The following SPTLC3 variants were observed in gnomAD, a reference collection of about 807,000 sequenced individuals.
SPTLC3 encodes the protein serine palmitoyltransferase long chain base subunit 3, also known as serine palmitoyltransferase 3.
A neutral mutation model predicts 59.3 loss-of-function variants in SPTLC3; 36 were observed. The observed-to-expected ratio is 0.61, with a 90% CI of 0.47 to 0.80. The LOEUF (loss-of-function observed/expected upper bound fraction) is 0.80, where lower values mean the gene tolerates loss of function less well. SPTLC3 is among the 30% of genes least tolerant of loss of function. The pLI is 0.00. For synonymous variants in SPTLC3, 257 were observed against 240.8 expected (o/e 1.07, Z -0.62); for missense variants, 625 against 685.1 (o/e 0.91, Z 0.98).
At chr20:13,159,719 T>A (rs1392495622) in intron 10 of SPTLC3, among the ~76,000 whole-genome samples, 1 of 152,176 alleles carries the variant, frequency 6.6e-6, no homozygotes, top group Non-Finnish European at 1.5e-5. Context: ...CAGCATTTTC[T>A]GCTTGGTGTC....
intron 9 of SPTLC3, among the ~76,000 whole-genome samples, chr20:13,138,583 T>A (rs1037565961): frequency 2.0e-5 from 3 of 152,248 alleles, no homozygotes; most frequent in Non-Finnish European, 4.4e-5. Context: ...TACTTGGGAC[T>A]AAGCAGATTT....
chr20:13,146,277 G>A (rs929242991), intron 9 of SPTLC3, among the ~76,000 whole-genome samples: 1 of 152,118 alleles, frequency 6.6e-6, no homozygotes, highest in Non-Finnish European at 1.5e-5. Flanking sequence ...ATCTGCTTGA[G>A]GGAGGAGGGT....
chr20:13,119,673 T>C (rs913620748), intron 8 of SPTLC3, among the ~76,000 whole-genome samples: 9 of 152,210 alleles, frequency 5.9e-5, no homozygotes, highest in Non-Finnish European at 8.8e-5. Flanking sequence ...CCCTTCATGT[T>C]ACACTGCAGT....
At chr20:13,045,554 G>C (rs1318431229) in intron 1 of SPTLC3, among the ~76,000 whole-genome samples, 1 of 152,084 alleles carries the variant, frequency 6.6e-6, no homozygotes, top group Non-Finnish European at 1.5e-5. Flanking sequence ...CTCTTAAGGA[G>C]ACCAATACAT....
intron 11 of SPTLC3, among the ~76,000 whole-genome samples, chr20:13,161,813 C>T (rs764399283): frequency 7.2e-5 from 11 of 152,136 alleles, no homozygotes; most frequent in African/African-American, 1.9e-4. Flanking sequence ...AAATTATACA[C>T]GTACACATGT....
intron 2 of SPTLC3, among the ~76,000 whole-genome samples, chr20:13,059,453 C>A (rs553010448): frequency 6.6e-6 from 1 of 152,154 alleles, no homozygotes; most frequent in Non-Finnish European, 1.5e-5. Flanking sequence ...ATTTGCAATT[C>A]GGCTACCACC....
chr20:13,030,406 C>T (rs1423077177), intron 1 of SPTLC3, among the ~76,000 whole-genome samples: 3 of 152,180 alleles, frequency 2.0e-5, no homozygotes, highest in East Asian at 1.9e-4. Context: ...CCACTGAATA[C>T]GGGGGCTCCC....
chr20:13,134,889 G>C (rs990887786), intron 9 of SPTLC3, among the ~76,000 whole-genome samples: 6 of 152,176 alleles, frequency 3.9e-5, no homozygotes, highest in Non-Finnish European at 7.3e-5. Flanking sequence ...CATCAACGCT[G>C]CCCTCTCAGT....
chr20:13,051,443 T>C (rs562301763), intron 2 of SPTLC3, among the ~76,000 whole-genome samples: 1 of 152,280 alleles, frequency 6.6e-6, no homozygotes, highest in Non-Finnish European at 1.5e-5. Context: ...ATAAAACGAT[T>C]ACTAACAGAC....
Position 13,048,389 on chromosome 20 carries a change from C to T in SPTLC3, c.118-556C>T, listed in dbSNP as rs112016672. Among the ~76,000 whole-genome samples, 63 of 152,306 alleles carry T rather than the reference C, an allele frequency of 4.1e-4. 2 individuals carry two copies. The highest frequency in any genetic ancestry group is 3.3e-3 in the South Asian group (16 of 4,826). Reference sequence around the variant, plus strand: ...ATCAGACTTTTTTAAAAGACCAGGACAGTTGTCCTATAGAAAGTTCTACAT... The same window carrying T: ...ATCAGACTTTTTTAAAAGACCAGGATAGTTGTCCTATAGAAAGTTCTACAT... On this transcript the variant is annotated intron_variant, in intron 1 of 11. Coordinates refer to ENST00000399002, the MANE Select transcript of SPTLC3 (RefSeq NM_018327.4).
chr20:13,103,567 AG>A (rs1195590622), intron 6 of SPTLC3, among the ~76,000 whole-genome samples: 3 of 152,224 alleles, frequency 2.0e-5, no homozygotes, highest in Non-Finnish European at 4.4e-5. Flanking sequence ...AGGGAACCAA[AG>A]GGTGTCTCTA....
At chr20:13,082,988 T>C (rs762046982) in intron 4 of SPTLC3, among the ~76,000 whole-genome samples, 4 of 152,200 alleles carry the variant, frequency 2.6e-5, no homozygotes, top group Non-Finnish European at 4.4e-5. Flanking sequence ...AAAAGAACCA[T>C]GTGACAGAAA....
intron 2 of SPTLC3, among the ~76,000 whole-genome samples, chr20:13,054,130 G>A (rs1987615342): frequency 6.6e-6 from 1 of 152,184 alleles, no homozygotes; most frequent in South Asian, 2.1e-4. Flanking sequence ...AGAATATGGT[G>A]CAAGATGGTC....
At chr20:13,162,293 C>A (rs2038909934) in intron 11 of SPTLC3, among the ~76,000 whole-genome samples, 1 of 152,158 alleles carries the variant, frequency 6.6e-6, no homozygotes, top group Non-Finnish European at 1.5e-5. Context: ...GGACACACAG[C>A]ATGGATGAAT....
rs904131687 is a variant in SPTLC3, at chr20:13,074,633, A to G, written c.607+136A>G. 4 of 1,055,586 alleles carry G rather than the reference A, an allele frequency of 3.8e-6. No individual in the cohort carries two copies. The African/African-American group carries it at 4.8e-5, about 13-fold the overall frequency. 65.4% of individuals were successfully genotyped at this position (1,055,586 alleles called of 1,614,324 possible). A position where few individuals can be genotyped will look rare whatever the true frequency, so the allele number is the denominator to read the frequency against. ...AACTGCAGAAAGAAAAAAAAGAGAT[A>G]TTTTGGGAAATTTCAAGCATTAGGC... On this transcript the variant is annotated intron_variant, in intron 4 of 11. Coordinates refer to ENST00000399002, the MANE Select transcript of SPTLC3 (RefSeq NM_018327.4).
At chr20:13,046,587 G>A (rs774014613) in intron 1 of SPTLC3, among the ~76,000 whole-genome samples, 5 of 152,200 alleles carry the variant, frequency 3.3e-5, no homozygotes, top group Non-Finnish European at 5.9e-5. Flanking sequence ...GCAGAAGGAT[G>A]TGGGAGGTGG....
intron 2 of SPTLC3, among the ~76,000 whole-genome samples, chr20:13,053,016 A>G (rs1298369096): frequency 6.6e-6 from 1 of 152,106 alleles, no homozygotes; most frequent in Non-Finnish European, 1.5e-5. Flanking sequence ...AGAGCAGCAT[A>G]TCTCCCAGCA....
chr20:13,067,717 G>C (rs974977301), intron 2 of SPTLC3, among the ~76,000 whole-genome samples: 4 of 152,016 alleles, frequency 2.6e-5, no homozygotes, highest in African/African-American at 9.7e-5. Flanking sequence ...ATACTTCAAA[G>C]AACTACTGTA....
chr20:13,043,854 C>T (rs1352339031), intron 1 of SPTLC3, among the ~76,000 whole-genome samples: 1 of 152,168 alleles, frequency 6.6e-6, no homozygotes, highest in East Asian at 1.9e-4. Flanking sequence ...CATTCTCTCT[C>T]TCCTTAAGTC....
Sources: allele counts gnomAD v4.1 joint callset (sites outside exome capture counted in the v4.1 genomes callset), GRCh38; gene constraint gnomAD v4.1.1; transcripts MANE v1.5; gene names NCBI Gene and HGNC (gene_info 2026-07-23, HGNC 2026-07-21).